The following MACROD1 variants were observed in gnomAD, a reference collection of about 807,000 sequenced individuals.
MACROD1 encodes the protein ADP-ribose glycohydrolase MACROD1.
MACROD1 carries 31 observed loss-of-function variants against 41.4 expected under a neutral mutation model. The observed-to-expected ratio is 0.75, with a 90% CI of 0.56 to 1.01. The LOEUF (loss-of-function observed/expected upper bound fraction) is 1.01, where lower values mean the gene tolerates loss of function less well. MACROD1 is among the 50% of genes least tolerant of loss of function. MACROD1 has a pLI of 0.00. For synonymous variants in MACROD1, 252 were observed against 203.4 expected, an observed-to-expected ratio of 1.24 and a Z score of -2.03; for missense variants, 473 against 460.0, an observed-to-expected ratio of 1.03 and a Z score of -0.26.
intron 3 of MACROD1, among the ~76,000 whole-genome samples, chr11:64,142,764 T>C (rs1490582189): frequency 6.6e-6 from 1 of 152,128 alleles, no homozygotes; most frequent in Non-Finnish European, 1.5e-5. Flanking sequence ...GCATCCTGAC[T>C]GGCCCCCCTG....
chr11:64,144,986 C>T (rs556063510), intron 3 of MACROD1, among the ~76,000 whole-genome samples: 3 of 152,300 alleles, frequency 2.0e-5, no homozygotes, highest in African/African-American at 4.8e-5. Context: ...GGCGGGTGGC[C>T]GCTCAGGTGG....
intron 3 of MACROD1, among the ~76,000 whole-genome samples, chr11:64,100,028 G>A (rs1393169456): frequency 6.6e-6 from 1 of 152,178 alleles, no homozygotes; most frequent in Non-Finnish European, 1.5e-5. Context: ...GCAGCAAGAA[G>A]GAAACTGGCC....
intron 3 of MACROD1, among the ~76,000 whole-genome samples, chr11:64,139,160 C>T (rs1945374092): frequency 6.6e-6 from 1 of 152,218 alleles, no homozygotes; most frequent in Non-Finnish European, 1.5e-5. Flanking sequence ...TGCTCACTGC[C>T]TCCCGCACCA....
chr11:64,103,574 C>G (rs1944708144), intron 3 of MACROD1: 1 of 133,354 alleles, frequency 7.5e-6, no homozygotes, highest in Non-Finnish European at 1.6e-5. Flanking sequence ...TGCCAAGTGA[C>G]TTAAAGGAAT....
At chr11:64,131,916 C>T (rs990157622) in intron 3 of MACROD1, among the ~76,000 whole-genome samples, 5 of 151,954 alleles carry the variant, frequency 3.3e-5, no homozygotes, top group African/African-American at 1.2e-4. Context: ...CAGGGGGAAC[C>T]GGAGGGAAGT....
chr11:64,035,490 C>T (rs1400531758), intron 3 of MACROD1, among the ~76,000 whole-genome samples: 1 of 152,002 alleles, frequency 6.6e-6, no homozygotes, highest in African/African-American at 2.4e-5. Flanking sequence ...AGCTAGAACC[C>T]CTTTCTCCCC....
chr11:64,006,634 G>T (rs558348041), intron 4 of MACROD1, among the ~76,000 whole-genome samples: 4 of 152,200 alleles, frequency 2.6e-5, no homozygotes, highest in Non-Finnish European at 4.4e-5. Context: ...CTGCATGCCG[G>T]GGCTTGGTGG....
At chr11:64,100,993 C>T (rs1334505055) in intron 3 of MACROD1, among the ~76,000 whole-genome samples, 2 of 152,140 alleles carry the variant, frequency 1.3e-5, no homozygotes, top group Non-Finnish European at 2.9e-5. Flanking sequence ...TTATTAAGCA[C>T]CAACTGCATG....
At chr11:64,043,391 C>T (rs1943525439) in intron 3 of MACROD1, among the ~76,000 whole-genome samples, 1 of 152,218 alleles carries the variant, frequency 6.6e-6, no homozygotes, top group South Asian at 2.1e-4. Context: ...GCCCCGAGGT[C>T]TGGGGCCCAT....
At chr11:64,130,647 C>T (rs901871170) in intron 3 of MACROD1, among the ~76,000 whole-genome samples, 11 of 152,284 alleles carry the variant, frequency 7.2e-5, no homozygotes, top group African/African-American at 2.6e-4. Context: ...TTGGCTCATC[C>T]ACTTTCAGGC....
At chr11:64,008,774 C>T (rs1264316859) in intron 4 of MACROD1, among the ~76,000 whole-genome samples, 2 of 152,166 alleles carry the variant, frequency 1.3e-5, no homozygotes, top group Non-Finnish European at 2.9e-5. Flanking sequence ...AGCGGGGTCG[C>T]TAACCTCAGG....
At chr11:64,114,931 G>A (rs1225871258) in intron 3 of MACROD1, among the ~76,000 whole-genome samples, 1 of 152,214 alleles carries the variant, frequency 6.6e-6, no homozygotes, top group East Asian at 1.9e-4. Context: ...AGCAGCTCAG[G>A]AATAGAGAAG....
At chr11:64,003,751 C>T (rs563681303) in intron 4 of MACROD1, among the ~76,000 whole-genome samples, 1 of 152,324 alleles carries the variant, frequency 6.6e-6, no homozygotes, top group African/African-American at 2.4e-5. Flanking sequence ...TCCTCTGGGA[C>T]CACTAAAGGG....
At chr11:64,149,173 G>A (rs1945538457) in intron 3 of MACROD1, 2 of 258,700 alleles carry the variant, frequency 7.7e-6, no homozygotes, top group East Asian at 1.8e-4. Flanking sequence ...TGCCCAGAAC[G>A]GCGCTGATGA....
intron 3 of MACROD1, among the ~76,000 whole-genome samples, chr11:64,129,169 C>T (rs1302883636): frequency 2.6e-5 from 4 of 152,252 alleles, no homozygotes; most frequent in African/African-American, 7.2e-5. Flanking sequence ...AAAGGGTTCC[C>T]GGTCACAGGC....
At chr11:64,044,203 T>C (rs1590830869) in intron 3 of MACROD1, among the ~76,000 whole-genome samples, 1 of 151,960 alleles carries the variant, frequency 6.6e-6, no homozygotes, top group African/African-American at 2.4e-5. Context: ...TAGCTGACAT[T>C]TATATCACAC....
At chr11:64,129,772 G>A (rs970054018) in intron 3 of MACROD1, among the ~76,000 whole-genome samples, 34 of 152,334 alleles carry the variant, frequency 2.2e-4, no homozygotes, top group African/African-American at 7.9e-4. Context: ...TAGGCTTCAG[G>A]ATTGGGGGTG....
rs1422138720 is a variant in MACROD1, at chr11:64,080,556, G to A, written c.518-65275C>T. The stretch of plus-strand genomic sequence containing the variant: ...AGCACCTAAATCAAAGAGAGGTGGC[G>A]AGGGTTGAACACAAGACACCCAGTA... On this transcript the variant is annotated intron_variant, in intron 3 of 10. Transcript: ENST00000255681. Among the ~76,000 whole-genome samples the A allele has an allele frequency of 3.3e-5, 5 of 152,264 alleles. No individual in the cohort carries two copies. The South Asian group carries it at 6.2e-4, about 19-fold the overall frequency.
intron 3 of MACROD1, among the ~76,000 whole-genome samples, chr11:64,130,204 G>A (rs542185127): frequency 1.3e-5 from 2 of 152,294 alleles, no homozygotes; most frequent in Admixed American, 6.5e-5. Context: ...TTAGGGGCAC[G>A]TGTGGGTAAG....
Sources: gnomAD v4.1 joint callset for allele counts (sites outside exome capture counted in the v4.1 genomes callset) on GRCh38, gnomAD v4.1.1 for gene constraint, MANE v1.5 for transcripts, NCBI Gene and HGNC (gene_info 2026-07-23, HGNC 2026-07-21) for gene names.